The following SMARCA4 variants were observed in gnomAD, a reference collection of about 807,000 sequenced individuals.
SMARCA4 encodes SWI/SNF related BAF chromatin remodeling complex subunit ATPase 4, also known as SWI/SNF-related matrix-associated actin-dependent regulator of chromatin subfamily A member 4.
A neutral mutation model predicts 193.9 loss-of-function variants in SMARCA4; 31 were observed. The observed-to-expected ratio is 0.16, with a 90% confidence interval of 0.12 to 0.22. The LOEUF (loss-of-function observed/expected upper bound fraction) is 0.22. SMARCA4 is among the 10% of genes least tolerant of loss of function. The pLI is 1.00. For synonymous variants in SMARCA4, 942 were observed against 933.1 expected (o/e 1.01, Z -0.17); for missense variants, 1,148 against 2,296.0 (o/e 0.50, Z 10.22).
intron 11 of SMARCA4, among the ~76,000 whole-genome samples, chr19:11,000,061 G>T (rs1479074252): frequency 6.6e-6 from 1 of 151,572 alleles, no homozygotes; most frequent in East Asian, 2.0e-4. Context: ...CCTCGTCTCT[G>T]CTAAAAATAC....
intron 18 of SMARCA4, 24 bp from the exon 19 acceptor site, chr19:11,021,701 G>C (rs1216458966): frequency 4.4e-6 from 7 of 1,595,500 alleles, no homozygotes; most frequent in Non-Finnish European, 6.0e-6. Flanking sequence ...CCCCTGCCCT[G>C]ATTGCCCACT....
rs2089912277 is a variant in SMARCA4 at position 11,022,039 on chromosome 19, GCAC to G, written c.2859+75_2859+77del. The G allele has an allele frequency of 3.7e-6, 6 of 1,602,396 alleles. No individual in the cohort carries two copies. The South Asian group carries it at 5.5e-5, about 15-fold the overall frequency. ...GGCTTTGCTGGTTGGAACGTGTTGAGCACCAGCTACAGCTGGCTGGGCCTGTGC... is the reference window on the plus strand; with the variant it reads ...GGCTTTGCTGGTTGGAACGTGTTGAGCAGCTACAGCTGGCTGGGCCTGTGC... On this transcript the variant is annotated intron_variant, in intron 19 of 34. Transcript: ENST00000344626.
chr19:11,012,338 C>G (rs1463952604), intron 15 of SMARCA4: 1 of 164,090 alleles, frequency 6.1e-6, no homozygotes, highest in Non-Finnish European at 1.3e-5. Context: ...CCACTGCACT[C>G]CAGCTTGGGT....
Position 11,038,766 on chromosome 19 carries a change from AT to A in SMARCA4, c.4171-2535del, listed in dbSNP as rs1233602149. Among the ~76,000 whole-genome samples, 8 of 152,028 alleles carry A rather than the reference AT, an allele frequency of 5.3e-5. No individual in the cohort carries two copies. In the East Asian group the frequency reaches 9.7e-4, roughly 18 times the overall value. ...CCTGGACACCTGGCTCCCCGGCTGC[AT>A]TTTTTACCATTGGGATAAGTTATTA... On this transcript the variant is annotated intron_variant, in intron 29 of 34. Coordinates refer to ENST00000344626, the MANE Select transcript of SMARCA4 (RefSeq NM_003072.5).
intron 16 of SMARCA4, among the ~76,000 whole-genome samples, chr19:11,015,023 T>A (rs1234990977): frequency 1.3e-5 from 2 of 152,024 alleles, no homozygotes; most frequent in Non-Finnish European, 2.9e-5. Context: ...CCATGTTGGC[T>A]AGGCTGGTCT....
intron 1 of SMARCA4, among the ~76,000 whole-genome samples, chr19:10,964,880 CA>C (rs2084092703): frequency 6.6e-6 from 1 of 152,170 alleles, no homozygotes; most frequent in South Asian, 2.1e-4. Context: ...CTCGGCCTCC[CA>C]AAGTGTTGGG....
rs201665695 is a variant in SMARCA4 at position 11,059,895 on chromosome 19, G to A, written c.4768+10G>A. On this transcript the variant is annotated intron_variant, in intron 33 of 34. Coordinates refer to ENST00000344626, the MANE Select transcript of SMARCA4 (RefSeq NM_003072.5). Reference sequence around the variant, plus strand: ...GGCTCCGAATCCGAATGTGAGTCCCGGGGGGGTTCAGGACGCCGGGGTTCA... The same window carrying A: ...GGCTCCGAATCCGAATGTGAGTCCCAGGGGGGTTCAGGACGCCGGGGTTCA... The A allele has an allele frequency of 3.6e-4, 585 of 1,613,196 alleles. 3 individuals carry two copies. In the African/African-American group the frequency reaches 6.5e-3, roughly 18 times the overall value.
intron 16 of SMARCA4, among the ~76,000 whole-genome samples, chr19:11,014,279 G>A (rs1324452160): frequency 6.6e-6 from 1 of 152,162 alleles, no homozygotes; most frequent in Non-Finnish European, 1.5e-5. Flanking sequence ...CAGGCCCCAT[G>A]GGTCACACAC....
intron 29 of SMARCA4, among the ~76,000 whole-genome samples, chr19:11,035,854 AC>A (rs1199002218): frequency 3.3e-5 from 5 of 152,202 alleles, no homozygotes; most frequent in Admixed American, 3.3e-4. Flanking sequence ...GACAGATCAG[AC>A]CCCTTCCCAG....
intron 8 of SMARCA4, among the ~76,000 whole-genome samples, chr19:10,992,886 T>C (rs1174080451): frequency 6.6e-6 from 1 of 152,046 alleles, no homozygotes; most frequent in Non-Finnish European, 1.5e-5. Flanking sequence ...CCACTGCTCC[T>C]GACCACCAAC....
intron 1 of SMARCA4, among the ~76,000 whole-genome samples, chr19:10,969,224 G>C (rs966308472): frequency 6.6e-6 from 1 of 152,144 alleles, no homozygotes; most frequent in African/African-American, 2.4e-5. Flanking sequence ...TCTAGGGCTT[G>C]GTCAGCCTCG....
chr19:11,034,243 C>G lies in SMARCA4; in HGVS notation c.3951+43C>G. On this transcript the variant is annotated intron_variant, in intron 28 of 34. Coordinates refer to ENST00000344626, the MANE Select transcript of SMARCA4 (RefSeq NM_003072.5). This position sits in a 1 kb window ranked among gnomAD's most constrained non-coding sequence, Gnocchi z 7.0. ...GATGGGGCAGTTCAGGCATCCCACT[C>G]TGCTGCCACCAGGAGCAAAGCAGAC... 2.0e-6 allele frequency: 3 copies of G among 1,467,580 alleles called. No homozygotes were observed. The highest frequency in any genetic ancestry group is 2.9e-6 in the Non-Finnish European group (3 of 1,046,688). 90.9% of individuals were successfully genotyped at this position (1,467,580 alleles called of 1,614,324 possible). A position where few individuals can be genotyped will look rare whatever the true frequency, so the allele number is the denominator to read the frequency against.
At chr19:10,992,882 C>T (rs1167974657) in intron 8 of SMARCA4, among the ~76,000 whole-genome samples, 1 of 151,864 alleles carries the variant, frequency 6.6e-6, no homozygotes, top group African/African-American at 2.4e-5. Context: ...TGAGCCACTG[C>T]TCCTGACCAC....
At chr19:11,054,703 C>T (rs771565134) in intron 30 of SMARCA4, among the ~76,000 whole-genome samples, 3 of 152,144 alleles carry the variant, frequency 2.0e-5, no homozygotes, top group African/African-American at 4.8e-5. Flanking sequence ...GCAGGAGAAT[C>T]GCTTGAACCC....
At chr19:11,060,523 G>T in intron 34 of SMARCA4, 1 of 466,168 alleles carries the variant, frequency 2.1e-6, no homozygotes, top group East Asian at 4.1e-5. Context: ...GATTAGGGTT[G>T]GGTAGGAGGT....
intron 30 of SMARCA4, among the ~76,000 whole-genome samples, chr19:11,042,750 G>T (rs1307291364): frequency 1.3e-5 from 2 of 152,230 alleles, no homozygotes; most frequent in Non-Finnish European, 2.9e-5. Context: ...ACTTTGAGAG[G>T]CTGAGGTGGG....
chr19:11,010,656 C>G, intron 15 of SMARCA4, 125 bp downstream of exon 15: 3 of 910,112 alleles, frequency 3.3e-6, no homozygotes, highest in South Asian at 2.6e-5. Context: ...GCAATGCACT[C>G]TTCCCCTCTG....
rs546563978 is a variant in SMARCA4, at chr19:11,035,111, G to A, written c.4149G>A (p.Leu1383=). ...AGGAGGTGGACTACAGCGACTCACTGACGGAGAAGCAGTGGCTCAAGGTAC... is the reference window on the plus strand; with the variant it reads ...AGGAGGTGGACTACAGCGACTCACTAACGGAGAAGCAGTGGCTCAAGGTAC... The part of the protein sequence containing the change: ...HRKEVDYSDS[L]TEKQWLKAIE... Residue 1383 remains leucine (L), a synonymous_variant, in exon 29 of 35, where the codon CTG becomes CTA. Coordinates refer to ENST00000344626, the MANE Select transcript of SMARCA4 (RefSeq NM_003072.5). 7.4e-6 allele frequency: 12 copies of A among 1,612,744 alleles called. No homozygotes were observed. In the South Asian group the frequency reaches 1.2e-4, roughly 16 times the overall value.
chr19:11,028,998 C>A (rs1158484648), intron 24 of SMARCA4, among the ~76,000 whole-genome samples: 1 of 152,188 alleles, frequency 6.6e-6, no homozygotes, highest in African/African-American at 2.4e-5. Flanking sequence ...GCTGGGCCAA[C>A]CTGCCCAGGT....
Sources: gnomAD v4.1 joint callset for allele counts (sites outside exome capture counted in the v4.1 genomes callset) on GRCh38, gnomAD v4.1.1 for gene constraint, Gnocchi (gnomAD v3.1) non-coding constraint, MANE v1.5 for transcripts, NCBI Gene and HGNC (gene_info 2026-07-23, HGNC 2026-07-21) for gene names.